The following ZFHX3 variants were observed in gnomAD, a reference collection of about 807,000 sequenced individuals.
ZFHX3 encodes the protein zinc finger homeobox 3.
ZFHX3 carries 42 observed loss-of-function variants against 279.1 expected under a neutral mutation model. The observed-to-expected ratio is 0.15, with a 90% confidence interval of 0.12 to 0.19. ZFHX3 has a LOEUF of 0.19. ZFHX3 is among the 10% of genes least tolerant of loss of function. ZFHX3 has a pLI of 1.00. For missense variants in ZFHX3, 4,981 were observed against 4,754.0 expected, an observed-to-expected ratio of 1.05 and a Z score of -1.40; for synonymous variants, 2,293 against 1,957.8, an observed-to-expected ratio of 1.17 and a Z score of -4.52.
intron 1 of ZFHX3, among the ~76,000 whole-genome samples, chr16:72,976,098 G>C: frequency 6.6e-6 from 1 of 152,196 alleles, no homozygotes; most frequent in East Asian, 1.9e-4. Flanking sequence ...AAGAGGGGAA[G>C]CGTATTTGTG....
rs79440714 is a variant in ZFHX3 at position 72,886,466 on chromosome 16, A to G, written c.3448+3265T>C. On this transcript the variant is annotated intron_variant, in intron 4 of 9. Transcript: ENST00000268489. ...GGTGCCGGGCTGCATCCACGGAAGC[A>G]CTACATTCCAAAACAGGGAACTGTT... Among the ~76,000 whole-genome samples the G allele has an allele frequency of 1.1e-3, 167 of 152,306 alleles. 3 individuals are homozygous for G. In the East Asian group the frequency reaches 0.02, roughly 18 times the overall value.
At chr16:73,583,581 T>C (rs1020248073) in intron 2 of ZFHX3, among the ~76,000 whole-genome samples, 1 of 152,180 alleles carries the variant, frequency 6.6e-6, no homozygotes, top group African/African-American at 2.4e-5. Flanking sequence ...AACAATGAAA[T>C]TTATCACTAC....
chr16:73,786,612 G>A (rs1959655196), intron 1 of ZFHX3, among the ~76,000 whole-genome samples: 1 of 152,136 alleles, frequency 6.6e-6, no homozygotes, highest in Non-Finnish European at 1.5e-5. Flanking sequence ...GGCAGGGGGG[G>A]CCAAAGAGGT....
At chr16:72,936,475 G>A (rs1960132072) in intron 3 of ZFHX3, among the ~76,000 whole-genome samples, 1 of 152,240 alleles carries the variant, frequency 6.6e-6, no homozygotes, top group South Asian at 2.1e-4. Context: ...AAGTGATGGT[G>A]TAGCTCCTTG....
chr16:73,025,304 G>A (rs1371246166), intron 1 of ZFHX3, among the ~76,000 whole-genome samples: 1 of 152,170 alleles, frequency 6.6e-6, no homozygotes, highest in Non-Finnish European at 1.5e-5. Context: ...TCACACATGG[G>A]CAGACACCCA....
chr16:73,448,346 C>T (rs547219736), intron 3 of ZFHX3, among the ~76,000 whole-genome samples: 1 of 152,054 alleles, frequency 6.6e-6, no homozygotes, highest in South Asian at 2.1e-4. Flanking sequence ...CACACATTTA[C>T]CAAAATACAA....
intron 4 of ZFHX3, among the ~76,000 whole-genome samples, chr16:72,878,508 T>C (rs1259342492): frequency 1.3e-5 from 2 of 152,224 alleles, no homozygotes; most frequent in Non-Finnish European, 2.9e-5. Flanking sequence ...AGGAAAACCA[T>C]GCAAACTGTT....
chr16:73,381,573 A>G (rs909250712), intron 3 of ZFHX3, among the ~76,000 whole-genome samples: 2 of 152,208 alleles, frequency 1.3e-5, no homozygotes, highest in Non-Finnish European at 2.9e-5. Context: ...TTTATTTTTA[A>G]AAAATGGGCT....
At chr16:73,851,126 G>A (rs563951388) in intron 1 of ZFHX3, among the ~76,000 whole-genome samples, 6 of 152,132 alleles carry the variant, frequency 3.9e-5, no homozygotes, top group African/African-American at 1.2e-4. Context: ...ACATGGTTAC[G>A]AACGATTTTT....
At chr16:73,206,834 A>G (rs962731979) in intron 5 of ZFHX3, among the ~76,000 whole-genome samples, 2 of 152,036 alleles carry the variant, frequency 1.3e-5, no homozygotes, top group African/African-American at 4.8e-5. Context: ...CCTGGCCAAC[A>G]TGGTGAAACC....
chr16:73,733,263 A>G (rs1377545397), intron 1 of ZFHX3, among the ~76,000 whole-genome samples: 1 of 152,190 alleles, frequency 6.6e-6, no homozygotes, highest in Non-Finnish European at 1.5e-5. Flanking sequence ...AAGAAGTATT[A>G]TCTTCTACTA....
chr16:73,217,807 C>A lies in ZFHX3; in HGVS notation c.-1104+39240G>T, dbSNP rs78670999. On this transcript the variant is annotated intron_variant, in intron 5 of 17. Transcript: ENST00000641206. ...AGAAGCCTCCCTGTTTACAGAGGAG[C>A]CCAGGACATTTTGGGGCTCCAAGGC... 5.7e-3 allele frequency among the ~76,000 whole-genome samples: 867 copies of A among 152,098 alleles called. 11 individuals are homozygous for A. Among genetic ancestry groups the A allele is most frequent in the African/African-American group, 0.02 (831 of 41,470 alleles).
intron 3 of ZFHX3, among the ~76,000 whole-genome samples, chr16:73,412,723 G>A (rs2017495444): frequency 6.6e-6 from 1 of 152,166 alleles, no homozygotes; most frequent in African/African-American, 2.4e-5. Flanking sequence ...CAACCACCAT[G>A]CGTGATACTG....
chr16:73,814,394 T>G (rs1252528760), intron 1 of ZFHX3, among the ~76,000 whole-genome samples: 2 of 150,400 alleles, frequency 1.3e-5, no homozygotes, highest in Non-Finnish European at 2.9e-5. Flanking sequence ...TTTCAGATGG[T>G]GGAGATCATT....
chr16:72,934,705 C>G lies in ZFHX3; in HGVS notation c.3216+15764G>C, dbSNP rs573024210. On this transcript the variant is annotated intron_variant, in intron 3 of 9. Transcript: ENST00000268489. ...TTGTGTCCGCATTTGACGGCTCTTA[C>G]TGAATGATCAATTCCTCTTTGTATT... Among the ~76,000 whole-genome samples, 548 of 152,208 alleles carry G rather than the reference C, an allele frequency of 3.6e-3. 4 individuals carry two copies. Among genetic ancestry groups the G allele is most frequent in the Non-Finnish European group, 5.6e-3 (378 of 68,012 alleles).
chr16:73,282,061 C>T (rs140772532), intron 4 of ZFHX3, among the ~76,000 whole-genome samples: 16 of 152,242 alleles, frequency 1.1e-4, no homozygotes, highest in South Asian at 2.1e-4. Context: ...AACTGAAGTC[C>T]GCGAATTGTG....
chr16:72,789,068 C>G, intron 9 of ZFHX3: 4 of 444,038 alleles, frequency 9.0e-6, no homozygotes, highest in Non-Finnish European at 1.6e-5. Flanking sequence ...CCATACTTCC[C>G]CTTTCAGCCA....
chr16:73,520,376 T>C (rs2019591130), intron 2 of ZFHX3, among the ~76,000 whole-genome samples: 2 of 152,236 alleles, frequency 1.3e-5, no homozygotes, highest in Admixed American at 1.3e-4. Context: ...AGGCATAGCC[T>C]AGCAAACTTA....
rs543565768 is a variant in ZFHX3 at position 73,470,537 on chromosome 16, T to C, written c.-1546-14279A>G. Among the ~76,000 whole-genome samples the C allele has an allele frequency of 8.9e-4, 136 of 152,320 alleles. 1 individual carries two copies. Among genetic ancestry groups the C allele is most frequent in the African/African-American group, 3.1e-3 (130 of 41,566 alleles). On this transcript the variant is annotated intron_variant, in intron 2 of 17. Transcript: ENST00000641206. ...TAACCAATTACCAATAGTAATAATG[T>C]CATCGAGAAAACAGTGATAGTCCTA...
Sources: allele counts gnomAD v4.1 joint callset (sites outside exome capture counted in the v4.1 genomes callset), GRCh38; gene constraint gnomAD v4.1.1; transcripts MANE v1.5; gene names NCBI Gene and HGNC (gene_info 2026-07-23, HGNC 2026-07-21).